The following ENTPD4 variants were observed in gnomAD, a reference collection of about 807,000 sequenced individuals.
ENTPD4 encodes the protein ectonucleoside triphosphate diphosphohydrolase 4, also known as Golgi UDPase.
In ENTPD4, 60 loss-of-function variants were observed where a neutral mutation model predicts 79.1. The observed-to-expected ratio is 0.76, with a 90% CI of 0.62 to 0.94. The LOEUF (loss-of-function observed/expected upper bound fraction) is 0.94, where lower values mean the gene tolerates loss of function less well. Ranked by LOEUF, ENTPD4 falls within the 40% of genes least tolerant of loss-of-function variation. The probability of loss-of-function intolerance (pLI) is 0.00; values close to 1 mark genes in which losing one functional copy is unlikely to be tolerated. For missense variants in ENTPD4, 772 were observed against 775.1 expected (o/e 1.00, Z 0.05); for synonymous variants, 276 against 292.0 (o/e 0.95, Z 0.56).
chr8:23,448,184 G>A (rs539654887), intron 3 of ENTPD4, among the ~76,000 whole-genome samples: 7 of 152,254 alleles, frequency 4.6e-5, no homozygotes, highest in Non-Finnish European at 1.0e-4. Context: ...TACACGAGAC[G>A]CTTATGTATA....
Position 23,432,240 on chromosome 8 carries a change from TA to T in ENTPD4, c.*685del. On this transcript the variant is annotated 3_prime_UTR_variant, in exon 13 of 13. Coordinates refer to ENST00000358689, the MANE Select transcript of ENTPD4 (RefSeq NM_004901.5). Reference sequence around the variant, plus strand: ...AAAAGAGGATTATCATTTCAGGCAGTAAGTTTTTTGGTTCTATGAAAGCATC... The same window carrying T: ...AAAAGAGGATTATCATTTCAGGCAGTAGTTTTTTGGTTCTATGAAAGCATC... 6.1e-6 allele frequency: 6 copies of T among 985,332 alleles called. No individual in the cohort carries two copies. The highest frequency in any genetic ancestry group is 7.2e-6 in the Non-Finnish European group (6 of 829,902). 61.0% of individuals were successfully genotyped at this position (985,332 alleles called of 1,614,324 possible). A position where few individuals can be genotyped will look rare whatever the true frequency, so the allele number is the denominator to read the frequency against.
At chr8:23,455,742 T>TA (rs1246148688) in intron 1 of ENTPD4, among the ~76,000 whole-genome samples, 11 of 152,218 alleles carry the variant, frequency 7.2e-5, no homozygotes, top group East Asian at 5.8e-4. Context: ...GAAGCCCTGT[T>TA]ACTGCAAGCT....
rs1192409153 is a variant in ENTPD4 at position 23,430,652 on chromosome 8, T to A, written c.*2274A>T. On this transcript the variant is annotated 3_prime_UTR_variant, in exon 13 of 13. Coordinates refer to ENST00000358689, the MANE Select transcript of ENTPD4 (RefSeq NM_004901.5). ...TACCTCTCAGCTGGAGCAATGAGGT[T>A]TTCTCAGCCCTTGTTTCAGGATCCT... 1.0e-6 allele frequency: 1 copy of A among 985,506 alleles called. No homozygotes were observed. 61.0% of individuals were successfully genotyped at this position (985,506 alleles called of 1,614,324 possible).
intron 11 of ENTPD4, among the ~76,000 whole-genome samples, chr8:23,435,165 G>T (rs1800533573): frequency 6.6e-6 from 1 of 152,202 alleles, no homozygotes; most frequent in Non-Finnish European, 1.5e-5. Flanking sequence ...GCAAAGGTAT[G>T]AACAGGGGAA....
At chr8:23,448,017 C>T (rs1800793152) in intron 3 of ENTPD4, 132 bp from the exon 4 acceptor site, 1 of 668,738 alleles carries the variant, frequency 1.5e-6, no homozygotes, top group Non-Finnish European at 2.6e-6. Flanking sequence ...ATCAATACAA[C>T]TGTTGAATAA....
In ENTPD4 at chr8:23,447,654, C is replaced by T. The variant is rs1048938937; in HGVS notation, c.412+26G>A. The T allele has an allele frequency of 3.8e-6, 6 of 1,574,550 alleles. No homozygotes were observed. In the African/African-American group the frequency reaches 6.7e-5, roughly 18 times the overall value. ...AGAATGAAGGTACACACCCTGGTTA[C>T]CAGGCAGATGTTCTCATTTACATAC... On this transcript the variant is annotated intron_variant, in intron 4 of 12. Coordinates refer to ENST00000358689, the MANE Select transcript of ENTPD4 (RefSeq NM_004901.5).
chr8:23,441,728 A>G lies in ENTPD4; in HGVS notation c.728-5T>C, dbSNP rs1350471441. ...CTTCCACAACGGCCTCATCATCTAGAAAGAACAGAAAGTGTTCACTGGAAC... is the reference window on the plus strand; with the variant it reads ...CTTCCACAACGGCCTCATCATCTAGGAAGAACAGAAAGTGTTCACTGGAAC... On this transcript the variant is annotated splice_polypyrimidine_tract_variant and splice_region_variant and intron_variant, in intron 7 of 12. Transcript: ENST00000358689. 1.5e-5 allele frequency: 25 copies of G among 1,613,514 alleles called. No homozygotes were observed. The highest frequency in any genetic ancestry group is 1.9e-5 in the Non-Finnish European group (22 of 1,179,898).
chr8:23,439,909 C>G lies in ENTPD4; in HGVS notation c.889G>C (p.Val297Leu). 6.2e-7 allele frequency: 1 copy of G among 1,613,738 alleles called. No individual in the cohort carries two copies. Among genetic ancestry groups the G allele is most frequent in the Non-Finnish European group, 8.5e-7 (1 of 1,179,572 alleles). Residue 297 changes from valine to leucine, a missense_variant, in exon 9 of 13, where the codon GTA becomes CTA. Physicochemically the swap from Val to Leu is conservative, Grantham distance 32 (BLOSUM62 1). Transcript: ENST00000358689. Reference protein sequence around the residue: ...VSFASSQQEEVAKNLLAEFNL... With the variant: ...VSFASSQQEELAKNLLAEFNL... ...AATTCAGCTAACAAGTTTTTAGCTA[C>G]TTCTTCCTGCAGACATAAGCATAAC... is the stretch of plus-strand genomic sequence containing the variant.
chr8:23,439,921 G>C lies in ENTPD4; in HGVS notation c.883-6C>G, dbSNP rs769976568. 6.2e-7 allele frequency: 1 copy of C among 1,613,210 alleles called. No individual in the cohort carries two copies. The highest frequency in any genetic ancestry group is 8.5e-7 in the Non-Finnish European group (1 of 1,179,170). On this transcript the variant is annotated splice_polypyrimidine_tract_variant and splice_region_variant and intron_variant, in intron 8 of 12. Transcript: ENST00000358689. Reference sequence around the variant, plus strand: ...AAGTTTTTAGCTACTTCTTCCTGCAGACATAAGCATAACAAACCTTAATAG... The same window carrying C: ...AAGTTTTTAGCTACTTCTTCCTGCACACATAAGCATAACAAACCTTAATAG...
At position 23,436,967 on chromosome 8, in the gene ENTPD4, G is replaced by A; in HGVS notation, c.1341C>T (p.Asp447=). ...CTEDVLRMGG[D]YNAAKFTKAA... ...CTTTAGTAAATTTAGCAGCATTGTAGTCTCCCCCCATTCGTAACACATCCT... is the reference window on the plus strand; with the variant it reads ...CTTTAGTAAATTTAGCAGCATTGTAATCTCCCCCCATTCGTAACACATCCT... The change falls in exon 10 of 13, where the codon GAC becomes GAT. Residue 447 remains aspartate, a synonymous_variant. Transcript: ENST00000358689. 3 of 1,609,558 alleles carry A rather than the reference G, an allele frequency of 1.9e-6. No homozygotes were observed. Among genetic ancestry groups the A allele is most frequent in the Non-Finnish European group, 1.7e-6 (2 of 1,177,734 alleles).
At chr8:23,453,310 C>A (rs907256213) in intron 1 of ENTPD4, among the ~76,000 whole-genome samples, 1 of 152,132 alleles carries the variant, frequency 6.6e-6, no homozygotes, top group East Asian at 1.9e-4. Flanking sequence ...ATGATCTAGA[C>A]GTTTAAATGG....
At position 23,434,791 on chromosome 8, in the gene ENTPD4, G is replaced by C. The variant is rs528978534; in HGVS notation, c.1461-313C>G. On this transcript the variant is annotated intron_variant, in intron 11 of 12. Coordinates refer to ENST00000358689, the MANE Select transcript of ENTPD4 (RefSeq NM_004901.5). ...ACCATGTACTCCTTGAATGAATACT[G>C]AACAGGTTCCAACCTCTTTGTACCT... 1.7e-5 allele frequency: 17 copies of C among 989,406 alleles called. No individual in the cohort carries two copies. The South Asian group carries it at 4.0e-4, about 23-fold the overall frequency. 61.3% of individuals were successfully genotyped at this position (989,406 alleles called of 1,614,324 possible).
In ENTPD4 at chr8:23,438,600, A is replaced by G. The variant is rs373040883; in HGVS notation, c.1049+1149T>C. ...GTACCACTAAACTATCCATTATATA[A>G]AGCTTTCTGACATTAAAACCAATGA... On this transcript the variant is annotated intron_variant, in intron 9 of 12. Coordinates refer to ENST00000358689, the MANE Select transcript of ENTPD4 (RefSeq NM_004901.5). Among the ~76,000 whole-genome samples, 45 of 152,328 alleles carry G rather than the reference A, an allele frequency of 3.0e-4. No individual in the cohort carries two copies. In the South Asian group the frequency reaches 3.1e-3, roughly 11 times the overall value.
Position 23,448,828 on chromosome 8 carries a change from C to A in ENTPD4, c.120G>T (p.Leu40=), listed in dbSNP as rs764462493. The A allele has an allele frequency of 1.2e-6, 2 of 1,614,074 alleles. No homozygotes were observed. The highest frequency in any genetic ancestry group is 1.7e-6 in the Non-Finnish European group (2 of 1,179,990). Residue 40 remains leucine (L), a synonymous_variant, in exon 3 of 13, where the codon CTG becomes CTT. Transcript: ENST00000358689. ...NLRQIMVISV[L]AAAVSLLYFS... is the part of the protein sequence containing the mutation. Reference sequence around the variant, plus strand: ...AATATAAAAGTGAAACAGCAGCAGCCAGGACACTAATGACCATAATTTGGC... The same window carrying A: ...AATATAAAAGTGAAACAGCAGCAGCAAGGACACTAATGACCATAATTTGGC...
chr8:23,434,312 C>T lies in ENTPD4; in HGVS notation c.1622+5G>A, dbSNP rs1186236290. 4 of 1,613,420 alleles carry T rather than the reference C, an allele frequency of 2.5e-6. No individual in the cohort carries two copies. Among genetic ancestry groups the T allele is most frequent in the Non-Finnish European group, 3.4e-6 (4 of 1,179,546 alleles). The stretch of plus-strand genomic sequence containing the variant: ...TGATTCTCGTTCCCAAATTCACAGC[C>T]CTACCTTAATGGTAGAAAGCGGGTC... On this transcript the variant is annotated splice_donor_5th_base_variant and intron_variant, in intron 12 of 12. Coordinates refer to ENST00000358689, the MANE Select transcript of ENTPD4 (RefSeq NM_004901.5).
chr8:23,451,210 C>T (rs1386852585), intron 1 of ENTPD4, among the ~76,000 whole-genome samples: 6 of 151,948 alleles, frequency 3.9e-5, no homozygotes, highest in African/African-American at 7.2e-5. Flanking sequence ...TTAGTAGAGA[C>T]GGGGTTTCGC....
rs746000852 is a variant in ENTPD4, at chr8:23,429,370, GAACA to G, written c.*3552_*3555del. ...AACTGTAAAATATAATTTTAGTACA[GAACA>G]AACAAATTCTCCTTGGTTGGTCACA... On this transcript the variant is annotated 3_prime_UTR_variant, in exon 13 of 13. Transcript: ENST00000358689. 4.3e-5 allele frequency: 42 copies of G among 985,156 alleles called. No individual in the cohort carries two copies. The highest frequency in any genetic ancestry group is 3.7e-4 in the African/African-American group (21 of 57,332). 61.0% of individuals were successfully genotyped at this position (985,156 alleles called of 1,614,324 possible). A position where few individuals can be genotyped will look rare whatever the true frequency, so the allele number is the denominator to read the frequency against.
At chr8:23,434,527 G>A (rs749916662) in intron 11 of ENTPD4, 49 bp from the exon 12 acceptor site, 50 of 1,604,892 alleles carry the variant, frequency 3.1e-5, no homozygotes, top group Non-Finnish European at 4.3e-5. Context: ...ACTCTGTCAA[G>A]ATGGCACACA....
intron 1 of ENTPD4, among the ~76,000 whole-genome samples, chr8:23,456,051 C>A (rs536044405): frequency 6.6e-6 from 1 of 152,362 alleles, no homozygotes; most frequent in East Asian, 1.9e-4. Context: ...ACAAGCAACT[C>A]TTTGTAAAAC....
Sources: allele counts gnomAD v4.1 joint callset (sites outside exome capture counted in the v4.1 genomes callset), GRCh38; gene constraint gnomAD v4.1.1; transcripts MANE v1.5; gene names NCBI Gene and HGNC (gene_info 2026-07-23, HGNC 2026-07-21).